TMTC2: variants seen among roughly 807,000 people sequenced by gnomAD.
TMTC2 encodes the protein transmembrane O-mannosyltransferase targeting cadherins 2, also known as protein O-mannosyl-transferase TMTC2.
Under a neutral mutation model 82.4 loss-of-function variants are expected in TMTC2, and 43 were observed. The ratio of observed to expected loss-of-function variants is 0.52; its 90% CI spans 0.41 to 0.67. The LOEUF is 0.67. TMTC2 is among the 30% of genes least tolerant of loss of function. TMTC2 has a pLI of 0.00. For synonymous variants in TMTC2, 408 were observed against 381.9 expected, an observed-to-expected ratio of 1.07 and a Z score of -0.80; for missense variants, 919 against 1,012.4, an observed-to-expected ratio of 0.91 and a Z score of 1.25.
intron 1 of TMTC2, among the ~76,000 whole-genome samples, chr12:82,703,302 G>A (rs1422171413): frequency 2.0e-5 from 3 of 152,112 alleles, no homozygotes; most frequent in Admixed American, 1.3e-4. Flanking sequence ...AGAAGTTTAA[G>A]TATGACCTCC....
chr12:83,033,093 C>G (rs528553187), intron 9 of TMTC2, among the ~76,000 whole-genome samples: 1 of 152,030 alleles, frequency 6.6e-6, no homozygotes, highest in African/African-American at 2.4e-5. Context: ...TCAATATTTT[C>G]TCCTACTTTG....
intron 1 of TMTC2, among the ~76,000 whole-genome samples, chr12:82,793,416 G>C (rs754780667): frequency 1.4e-4 from 21 of 148,304 alleles, no homozygotes; most frequent in Admixed American, 4.0e-4. Context: ...CTAAATGTAG[G>C]GACAGATTTA....
At chr12:82,692,212 A>T (rs1565710203) in intron 1 of TMTC2, among the ~76,000 whole-genome samples, 1 of 152,186 alleles carries the variant, frequency 6.6e-6, no homozygotes, top group Non-Finnish European at 1.5e-5. Flanking sequence ...TTTCATACAC[A>T]CATACACACA....
At chr12:82,802,677 C>T (rs976238143) in intron 1 of TMTC2, among the ~76,000 whole-genome samples, 8 of 152,036 alleles carry the variant, frequency 5.3e-5, no homozygotes, top group Non-Finnish European at 1.2e-4. Context: ...AAGGAAAAGG[C>T]ATGAGATATA....
At chr12:82,839,495 G>C (rs1870220570) in intron 1 of TMTC2, among the ~76,000 whole-genome samples, 1 of 151,978 alleles carries the variant, frequency 6.6e-6, no homozygotes, top group South Asian at 2.1e-4. Context: ...GTGTAAAGAG[G>C]GCACTTTCAA....
chr12:82,867,816 C>T (rs1477496875), intron 2 of TMTC2, among the ~76,000 whole-genome samples: 1 of 152,126 alleles, frequency 6.6e-6, no homozygotes, highest in African/African-American at 2.4e-5. Context: ...TCTTCTTAAG[C>T]TCTCATGACA....
chr12:83,086,774 T>TA (rs1883675076), intron 11 of TMTC2, among the ~76,000 whole-genome samples: 1 of 152,148 alleles, frequency 6.6e-6, no homozygotes, highest in Non-Finnish European at 1.5e-5. Context: ...ATACCTTAAA[T>TA]AAAAAACATT....
rs1302221059 is a variant in TMTC2, at chr12:82,895,862, C to G, written c.699C>G (p.Phe233Leu). The G allele has an allele frequency of 1.9e-6, 3 of 1,612,338 alleles. No homozygotes were observed. The highest frequency in any genetic ancestry group is 4.5e-5 in the East Asian group (2 of 44,806). Residue 233 changes from phenylalanine to leucine, a missense_variant, in exon 3 of 12, where the codon TTC becomes TTG. Coordinates refer to ENST00000321196, the MANE Select transcript of TMTC2 (RefSeq NM_152588.3). ...TCCTAAGCATTAGTTTGTTAATTTTCTGGGGTTCCTCCCTTTTGGGTGCCC... is the reference window on the plus strand; with the variant it reads ...TCCTAAGCATTAGTTTGTTAATTTTGTGGGGTTCCTCCCTTTTGGGTGCCC... ...SLFLSISLLIFWGSSLLGARL... is the reference protein window; with the variant it reads ...SLFLSISLLILWGSSLLGARL...
At chr12:82,789,612 TC>T (rs2137020490) in intron 1 of TMTC2, among the ~76,000 whole-genome samples, 1 of 152,284 alleles carries the variant, frequency 6.6e-6, no homozygotes, top group East Asian at 1.9e-4. Flanking sequence ...CAATTCTGAT[TC>T]ATGTTCACCT....
intron 9 of TMTC2, among the ~76,000 whole-genome samples, chr12:83,047,045 A>C (rs1191427583): frequency 1.3e-5 from 2 of 152,212 alleles, no homozygotes; most frequent in Non-Finnish European, 2.9e-5. Context: ...TCTTTTTACA[A>C]TAGGTAGGCC....
chr12:83,083,678 C>T (rs765762), intron 11 of TMTC2, among the ~76,000 whole-genome samples: 56,028 of 152,018 alleles, frequency 0.37, 10,370 homozygotes, highest in Middle Eastern at 0.42. Context: ...CTTGTGCTTT[C>T]GTAGGGTGGA....
chr12:83,020,279 G>GT (rs1880857533), intron 8 of TMTC2, among the ~76,000 whole-genome samples: 3 of 152,248 alleles, frequency 2.0e-5, no homozygotes, highest in African/African-American at 7.2e-5. Context: ...CACATGGTAG[G>GT]TGCCCAACAA....
chr12:83,127,400 G>A (rs1185686834), intron 11 of TMTC2, among the ~76,000 whole-genome samples: 1 of 151,962 alleles, frequency 6.6e-6, no homozygotes, highest in East Asian at 1.9e-4. Flanking sequence ...CTTGCCTGTT[G>A]ATTATCCTTC....
chr12:82,725,385 T>A (rs997519365), intron 1 of TMTC2, among the ~76,000 whole-genome samples: 1 of 152,244 alleles, frequency 6.6e-6, no homozygotes, highest in African/African-American at 2.4e-5. Context: ...TAATTTTTTA[T>A]TGGACAGGTC....
intron 4 of TMTC2, among the ~76,000 whole-genome samples, chr12:82,946,679 T>C (rs1377628115): frequency 1.3e-5 from 2 of 151,994 alleles, no homozygotes; most frequent in Non-Finnish European, 2.9e-5. Context: ...GAGAGACAGA[T>C]GGAGCCTTGT....
At chr12:82,899,696 AAAT>A (rs1873879231) in intron 3 of TMTC2, among the ~76,000 whole-genome samples, 1 of 130,252 alleles carries the variant, frequency 7.7e-6, no homozygotes, top group Non-Finnish European at 1.6e-5. Context: ...ATATATAAGA[AAAT>A]ATATATATGT....
chr12:83,087,760 C>T (rs577933576), intron 11 of TMTC2, among the ~76,000 whole-genome samples: 40 of 152,264 alleles, frequency 2.6e-4, no homozygotes, highest in Non-Finnish European at 4.4e-4. Context: ...ATAGTGTAAA[C>T]AGATGTGCTG....
chr12:82,879,820 A>G (rs1401883800), intron 2 of TMTC2, among the ~76,000 whole-genome samples: 1 of 152,226 alleles, frequency 6.6e-6, no homozygotes, highest in Admixed American at 6.5e-5. Flanking sequence ...TTTAATAAAC[A>G]TTCATAATTA....
At chr12:82,838,629 T>C (rs1406607496) in intron 1 of TMTC2, among the ~76,000 whole-genome samples, 1 of 152,242 alleles carries the variant, frequency 6.6e-6, no homozygotes, top group Non-Finnish European at 1.5e-5. Context: ...CCCTGGTCTT[T>C]TACATTCCAG....
Sources: gnomAD v4.1 joint callset for allele counts (sites outside exome capture counted in the v4.1 genomes callset) on GRCh38, gnomAD v4.1.1 for gene constraint, MANE v1.5 for transcripts, NCBI Gene and HGNC (gene_info 2026-07-23, HGNC 2026-07-21) for gene names.